The following SLC8A1 variants were observed in gnomAD, a reference collection of about 807,000 sequenced individuals.
SLC8A1 encodes the protein sodium/calcium exchanger 1.
SLC8A1 carries 18 observed loss-of-function variants against 68.3 expected under a neutral mutation model. The observed-to-expected ratio is 0.26, with a 90% CI of 0.18 to 0.39. SLC8A1 has a LOEUF of 0.39. Among genes scored for constraint, SLC8A1 ranks in the 10% least tolerant of loss-of-function variants. SLC8A1 has a pLI of 1.00. For missense variants in SLC8A1, 985 were observed against 1,156.7 expected (o/e 0.85, Z 2.15); for synonymous variants, 475 against 415.5 (o/e 1.14, Z -1.74).
intron 1 of SLC8A1, among the ~76,000 whole-genome samples, chr2:40,481,887 T>C (rs542635428): frequency 1.2e-4 from 19 of 152,310 alleles, no homozygotes; most frequent in East Asian, 7.7e-4. Context: ...TTGGTAATTT[T>C]TGAGTCAGGA....
At chr2:40,346,814 T>C (rs1055869200) in intron 2 of SLC8A1, among the ~76,000 whole-genome samples, 2 of 152,164 alleles carry the variant, frequency 1.3e-5, no homozygotes, top group Non-Finnish European at 2.9e-5. Context: ...ATGATCTTTC[T>C]AGTTTGGAAT....
chr2:40,134,385 C>T (rs1405591614), intron 7 of SLC8A1, among the ~76,000 whole-genome samples: 2 of 152,090 alleles, frequency 1.3e-5, no homozygotes, highest in Non-Finnish European at 2.9e-5. Flanking sequence ...AGCTACCGCA[C>T]CTGGTCTACC....
At chr2:40,266,715 A>G (rs2065401031) in intron 2 of SLC8A1, among the ~76,000 whole-genome samples, 1 of 152,124 alleles carries the variant, frequency 6.6e-6, no homozygotes, top group Non-Finnish European at 1.5e-5. Flanking sequence ...ATCATTGCTC[A>G]CTTTCTCTTT....
In SLC8A1 at chr2:40,320,053, A is replaced by G. The variant is rs183174878; in HGVS notation, c.1808+108420T>C. 2.9e-3 allele frequency among the ~76,000 whole-genome samples: 448 copies of G among 152,224 alleles called. 2 individuals are homozygous for G. Among genetic ancestry groups the G allele is most frequent in the Non-Finnish European group, 4.7e-3 (321 of 67,996 alleles). On this transcript the variant is annotated intron_variant, in intron 2 of 7. Coordinates refer to ENST00000406785, the Ensembl canonical transcript of SLC8A1. ...AATGCCAAGGGCACAACAATTTAAGAGATGGGACTCAATAAATATTGGTAT... is the reference window on the plus strand; with the variant it reads ...AATGCCAAGGGCACAACAATTTAAGGGATGGGACTCAATAAATATTGGTAT...
At chr2:40,311,310 G>T (rs1306595385) in intron 2 of SLC8A1, among the ~76,000 whole-genome samples, 2 of 151,902 alleles carry the variant, frequency 1.3e-5, no homozygotes, top group African/African-American at 4.8e-5. Flanking sequence ...AACATTCAAA[G>T]CTGTAACTTT....
intron 7 of SLC8A1, among the ~76,000 whole-genome samples, chr2:40,122,207 C>CGT (rs2037019627): frequency 8.5e-6 from 1 of 118,138 alleles, no homozygotes; most frequent in Admixed American, 8.5e-5. Flanking sequence ...TGCGCGCGCG[C>CGT]ACACACACAC....
rs909344275 is a variant in SLC8A1 at position 40,348,854 on chromosome 2, A to G, written c.1808+79619T>C. Among the ~76,000 whole-genome samples, 31 of 152,318 alleles carry G rather than the reference A, an allele frequency of 2.0e-4. No homozygotes were observed. The East Asian group carries it at 5.6e-3, about 28-fold the overall frequency. ...GTAACACATGCATCACAGTCCTCTT[A>G]TGCTTTCATCTGTCAGGAATGGGCC... On this transcript the variant is annotated intron_variant, in intron 2 of 7. Transcript: ENST00000406785.
intron 2 of SLC8A1, among the ~76,000 whole-genome samples, chr2:40,244,110 C>T (rs574833840): frequency 2.0e-5 from 3 of 152,132 alleles, no homozygotes; most frequent in Non-Finnish European, 4.4e-5. Flanking sequence ...AGCTGCAAGC[C>T]TTACATTCTT....
rs139986785 is a variant in SLC8A1 at position 40,418,286 on chromosome 2, T to A, written c.1808+10187A>T. ...TACTGTTTATTACATTACATTATATTAATATTATTCCATTTTACTAGACCA... is the reference window on the plus strand; with the variant it reads ...TACTGTTTATTACATTACATTATATAAATATTATTCCATTTTACTAGACCA... On this transcript the variant is annotated intron_variant, in intron 2 of 7. Coordinates refer to ENST00000406785, the Ensembl canonical transcript of SLC8A1. Among the ~76,000 whole-genome samples the A allele has an allele frequency of 3.7e-3, 562 of 152,336 alleles. 6 individuals are homozygous for A. Among genetic ancestry groups the A allele is most frequent in the African/African-American group, 0.013 (543 of 41,586 alleles).
At chr2:40,397,871 T>C (rs1687477445) in intron 2 of SLC8A1, among the ~76,000 whole-genome samples, 1 of 152,194 alleles carries the variant, frequency 6.6e-6, no homozygotes, top group Non-Finnish European at 1.5e-5. Flanking sequence ...TGGGACACAG[T>C]GTGCTCTGAA....
chr2:40,439,488 T>G (rs1213347454), intron 1 of SLC8A1, among the ~76,000 whole-genome samples: 3 of 152,180 alleles, frequency 2.0e-5, no homozygotes, highest in Non-Finnish European at 4.4e-5. Context: ...TGGTCACTCT[T>G]TCTTCTTTCT....
At chr2:40,356,286 T>C (rs977197009) in intron 2 of SLC8A1, among the ~76,000 whole-genome samples, 1 of 152,172 alleles carries the variant, frequency 6.6e-6, no homozygotes, top group Non-Finnish European at 1.5e-5. Context: ...GCATCAATTG[T>C]AGTGACTGCC....
At chr2:40,388,093 G>T (rs1375118029) in intron 2 of SLC8A1, among the ~76,000 whole-genome samples, 1 of 151,994 alleles carries the variant, frequency 6.6e-6, no homozygotes, top group Non-Finnish European at 1.5e-5. Context: ...GCAAGTCATG[G>T]TGAAAAATGT....
At chr2:40,228,901 C>T (rs191008130) in intron 2 of SLC8A1, among the ~76,000 whole-genome samples, 62 of 152,244 alleles carry the variant, frequency 4.1e-4, no homozygotes, top group African/African-American at 1.4e-3. Context: ...ATTCACTTTA[C>T]AGTTCCTTTT....
At chr2:40,304,993 A>G (rs2072295762) in intron 2 of SLC8A1, among the ~76,000 whole-genome samples, 1 of 152,212 alleles carries the variant, frequency 6.6e-6, no homozygotes, top group African/African-American at 2.4e-5. Context: ...GCATCACTTA[A>G]GAATTTTGTT....
chr2:40,345,049 A>T (rs1013341721), intron 2 of SLC8A1, among the ~76,000 whole-genome samples: 1 of 152,246 alleles, frequency 6.6e-6, no homozygotes. Flanking sequence ...TGGATTTTCT[A>T]ATTTTATAAC....
intron 2 of SLC8A1, among the ~76,000 whole-genome samples, chr2:40,203,965 C>G (rs536003660): frequency 6.6e-6 from 1 of 151,954 alleles, no homozygotes; most frequent in Non-Finnish European, 1.5e-5. Context: ...ATCCTCTAGC[C>G]TTGGCCTCCC....
chr2:40,206,030 T>C (rs1407509802), intron 2 of SLC8A1, among the ~76,000 whole-genome samples: 1 of 151,944 alleles, frequency 6.6e-6, no homozygotes, highest in Non-Finnish European at 1.5e-5. Context: ...AATGAAAAGA[T>C]TTGATTGGAA....
chr2:40,316,606 T>TAG (rs996917587), intron 2 of SLC8A1, among the ~76,000 whole-genome samples: 1 of 152,058 alleles, frequency 6.6e-6, no homozygotes, highest in Admixed American at 6.6e-5. Flanking sequence ...AATAATGTAT[T>TAG]AGGTCAGGGT....
Sources: allele counts gnomAD v4.1 joint callset (sites outside exome capture counted in the v4.1 genomes callset), GRCh38; gene constraint gnomAD v4.1.1; transcripts MANE v1.5; gene names NCBI Gene and HGNC (gene_info 2026-07-23, HGNC 2026-07-21).